Variants in DNAJB14 observed in about 807,000 individuals in gnomAD.
The protein encoded by DNAJB14 is DnaJ heat shock protein family (Hsp40) member B14, also known as dnaJ homolog subfamily B member 14.
A neutral mutation model predicts 48.4 loss-of-function variants in DNAJB14; 22 were observed. The observed-to-expected ratio is 0.45, with a 90% CI of 0.32 to 0.65. The LOEUF (loss-of-function observed/expected upper bound fraction) is 0.65, where lower values mean the gene tolerates loss of function less well. Ranked by LOEUF, DNAJB14 falls within the 30% of genes least tolerant of loss-of-function variation. DNAJB14 has a pLI of 0.03. For missense variants in DNAJB14, 319 were observed against 458.8 expected, an observed-to-expected ratio of 0.70 and a Z score of 2.78; for synonymous variants, 142 against 158.7, an observed-to-expected ratio of 0.89 and a Z score of 0.79.
chr4:99,938,884 G>GA (rs894395094), intron 1 of DNAJB14, among the ~76,000 whole-genome samples: 6 of 151,884 alleles, frequency 4.0e-5, no homozygotes, highest in Non-Finnish European at 7.4e-5. Context: ...TCCTTTTCCT[G>GA]AAAACTGATA....
rs139198265 is a variant in DNAJB14, at chr4:99,916,861, G to A, written c.451+6179C>T. On this transcript the variant is annotated intron_variant, in intron 3 of 7. Transcript: ENST00000442697. ...TTTAAAACATAATTGCCAGCCGGGC[G>A]TGGTGGCTCAAGCCTGTAATCCCAG... 8.5e-3 allele frequency among the ~76,000 whole-genome samples: 1,297 copies of A among 152,218 alleles called. 11 individuals carry two copies. The highest frequency in any genetic ancestry group is 0.029 in the African/African-American group (1,193 of 41,530).
At chr4:99,915,840 C>A (rs1725835422) in intron 3 of DNAJB14, among the ~76,000 whole-genome samples, 2 of 152,204 alleles carry the variant, frequency 1.3e-5, no homozygotes, top group Admixed American at 6.5e-5. Flanking sequence ...GAGTCTCCAA[C>A]TATAATTGTG....
In DNAJB14 at chr4:99,903,778, C is replaced by T. The variant is rs1346156115; in HGVS notation, c.963G>A (p.Glu321=). The change falls in exon 7 of 8, where the codon GAG becomes GAA. Residue 321 remains glutamate, a synonymous_variant. Coordinates refer to ENST00000442697, the MANE Select transcript of DNAJB14 (RefSeq NM_001031723.4). ...MLLQKVEKSV[E]EDYVTNIRNN... Reference sequence around the variant, plus strand: ...TTCGAATATTAGTCACATAATCTTCCTCCACACTCTTTTCTACCTTTTGTA... The same window carrying T: ...TTCGAATATTAGTCACATAATCTTCTTCCACACTCTTTTCTACCTTTTGTA... The T allele has an allele frequency of 2.5e-6, 4 of 1,612,512 alleles. No individual in the cohort carries two copies. Among genetic ancestry groups the T allele is most frequent in the Middle Eastern group, 3.4e-4 (2 of 5,960 alleles).
intron 3 of DNAJB14, among the ~76,000 whole-genome samples, chr4:99,919,173 C>T (rs1725961438): frequency 6.6e-6 from 1 of 152,104 alleles, no homozygotes; most frequent in African/African-American, 2.4e-5. Context: ...TAGGCTATCC[C>T]TTTCCTGATC....
At chr4:99,901,508 G>C (rs965026002) in intron 7 of DNAJB14, among the ~76,000 whole-genome samples, 1 of 152,004 alleles carries the variant, frequency 6.6e-6, no homozygotes, top group Non-Finnish European at 1.5e-5. Flanking sequence ...ACTGCCAGTG[G>C]TTGTTTCACT....
intron 1 of DNAJB14, among the ~76,000 whole-genome samples, chr4:99,937,636 G>A (rs1206303136): frequency 6.6e-6 from 1 of 152,038 alleles, no homozygotes; most frequent in Non-Finnish European, 1.5e-5. Context: ...TAAGGTAGAA[G>A]AATTACTTGA....
chr4:99,913,621 G>GTTTTTTTTTTTTT (rs372025043), intron 3 of DNAJB14, among the ~76,000 whole-genome samples: 1 of 107,622 alleles, frequency 9.3e-6, no homozygotes, highest in Non-Finnish European at 2.0e-5. Context: ...CTGGTCTGTA[G>GTTTTTTTTTTTTT]TTTTTTTTTT....
At chr4:99,908,986 A>G in intron 3 of DNAJB14, 90 bp from the exon 4 acceptor site, 1 of 923,162 alleles carries the variant, frequency 1.1e-6, no homozygotes, top group Non-Finnish European at 1.6e-6. Context: ...GCTGAAAAAA[A>G]GACTACCTAA....
chr4:99,909,222 A>C lies in DNAJB14; in HGVS notation c.452-326T>G, dbSNP rs560700188. On this transcript the variant is annotated intron_variant, in intron 3 of 7. Transcript: ENST00000442697. ...TAAACCAATAACAATAGCAGTAGCTATCATTTATTGAGTACCTAAGAACTG... is the reference window on the plus strand; with the variant it reads ...TAAACCAATAACAATAGCAGTAGCTCTCATTTATTGAGTACCTAAGAACTG... 4.6e-5 allele frequency among the ~76,000 whole-genome samples: 7 copies of C among 152,188 alleles called. No individual in the cohort carries two copies. The East Asian group carries it at 1.2e-3, about 25-fold the overall frequency.
intron 1 of DNAJB14, among the ~76,000 whole-genome samples, chr4:99,946,041 C>G (rs1419178387): frequency 6.6e-6 from 1 of 152,198 alleles, no homozygotes; most frequent in Non-Finnish European, 1.5e-5. Flanking sequence ...CCTCTCACTT[C>G]GATAGGGGCC....
Position 99,898,397 on chromosome 4 carries a change from C to G in DNAJB14, c.*2631G>C, listed in dbSNP as rs1479119247. ...CACTTATTAGATGAATTCAACTTGA[C>G]ATTTTTCATTGCTGAGAATTCAGTT... On this transcript the variant is annotated 3_prime_UTR_variant, in exon 8 of 8. Transcript: ENST00000442697. 17 of 152,008 alleles carry G rather than the reference C, an allele frequency of 1.1e-4. No homozygotes were observed. 9.4% of individuals were successfully genotyped at this position (152,008 alleles called of 1,614,324 possible). A position where few individuals can be genotyped will look rare whatever the true frequency, so the allele number is the denominator to read the frequency against.
At chr4:99,912,146 G>A (rs1443459560) in intron 3 of DNAJB14, among the ~76,000 whole-genome samples, 1 of 152,108 alleles carries the variant, frequency 6.6e-6, no homozygotes, top group Non-Finnish European at 1.5e-5. Flanking sequence ...TTCCTCCATC[G>A]AACTGCTTTT....
chr4:99,904,754 A>T (rs1297886589), intron 6 of DNAJB14, among the ~76,000 whole-genome samples: 3 of 151,990 alleles, frequency 2.0e-5, no homozygotes, highest in African/African-American at 7.2e-5. Context: ...AAAGTATCTC[A>T]ATTTTTTGTT....
chr4:99,897,817 C>T lies in DNAJB14; in HGVS notation c.*3211G>A, dbSNP rs1314494244. The T allele has an allele frequency of 6.6e-6, 1 of 151,916 alleles. No homozygotes were observed. Among genetic ancestry groups the T allele is most frequent in the Non-Finnish European group, 1.5e-5 (1 of 67,858 alleles). 9.4% of individuals were successfully genotyped at this position (151,916 alleles called of 1,614,324 possible). The stretch of plus-strand genomic sequence containing the variant: ...TGGATAGTAATAGGATAGTACTGAA[C>T]CCAAGCTTCACATGGGGAAGCTCAA... On this transcript the variant is annotated 3_prime_UTR_variant, in exon 8 of 8. Coordinates refer to ENST00000442697, the MANE Select transcript of DNAJB14 (RefSeq NM_001031723.4).
At chr4:99,925,714 C>T (rs1220094924) in intron 2 of DNAJB14, 1 of 151,992 alleles carries the variant, frequency 6.6e-6, no homozygotes, top group Non-Finnish European at 1.5e-5. Flanking sequence ...GGGAGAAAAA[C>T]AAGCAATAAA....
chr4:99,944,791 G>A (rs1727007653), intron 1 of DNAJB14, among the ~76,000 whole-genome samples: 1 of 152,062 alleles, frequency 6.6e-6, no homozygotes, highest in African/African-American at 2.4e-5. Flanking sequence ...TGGCCAGGCT[G>A]GTCTCGAACT....
chr4:99,934,789 CAAAAAAAA>C (rs1167945149), intron 1 of DNAJB14, among the ~76,000 whole-genome samples: 17 of 6,770 alleles, frequency 2.5e-3, no homozygotes, highest in East Asian at 6.8e-3. Flanking sequence ...AAGACTGTCT[CAAAAAAAA>C]AAAAAAAAAA....
At chr4:99,927,720 T>G (rs1726305856) in intron 2 of DNAJB14, 1 of 152,224 alleles carries the variant, frequency 6.6e-6, no homozygotes, top group African/African-American at 2.4e-5. Flanking sequence ...CTCTTACTTA[T>G]GCAATGGATG....
At chr4:99,924,564 C>T (rs977067803) in intron 2 of DNAJB14, 6 of 559,498 alleles carry the variant, frequency 1.1e-5, no homozygotes, top group Non-Finnish European at 1.4e-5. Context: ...ATTCCAAAAA[C>T]ATGACATTTC....
Sources: gnomAD v4.1 joint callset for allele counts (sites outside exome capture counted in the v4.1 genomes callset) on GRCh38, gnomAD v4.1.1 for gene constraint, MANE v1.5 for transcripts, NCBI Gene and HGNC (gene_info 2026-07-23, HGNC 2026-07-21) for gene names.